Variants in DENND5B observed in about 807,000 individuals in gnomAD.
DENND5B encodes the protein DENN domain containing 5B, also known as DENN domain-containing protein 5B.
Under a neutral mutation model 140.6 loss-of-function variants are expected in DENND5B, and 34 were observed. The observed-to-expected ratio is 0.24, with a 90% CI of 0.18 to 0.32. The LOEUF (loss-of-function observed/expected upper bound fraction) is 0.32. Ranked by LOEUF, DENND5B falls within the 10% of genes least tolerant of loss-of-function variation. DENND5B has a pLI of 1.00. For missense variants in DENND5B, 1,142 were observed against 1,560.2 expected, an observed-to-expected ratio of 0.73 and a Z score of 4.52; for synonymous variants, 551 against 562.1, an observed-to-expected ratio of 0.98 and a Z score of 0.28.
chr12:31,489,156 GTTATACCA>G lies in DENND5B; in HGVS notation c.237+6646_237+6653del, dbSNP rs143347367. Among the ~76,000 whole-genome samples the G allele has an allele frequency of 1.1e-3, 173 of 152,176 alleles. 1 individual carries two copies. The highest frequency in any genetic ancestry group is 4.1e-3 in the African/African-American group (171 of 41,530). On this transcript the variant is annotated intron_variant, in intron 2 of 20. Transcript: ENST00000389082. ...TATAGGACAACGGCTGGAGCAATAC[GTTATACCA>G]TATAACTTAGAAGTATAGTAGGCTA... is the stretch of plus-strand genomic sequence containing the variant.
chr12:31,479,179 G>A (rs754056729), intron 3 of DENND5B, among the ~76,000 whole-genome samples: 2 of 152,138 alleles, frequency 1.3e-5, no homozygotes, highest in Admixed American at 1.3e-4. Context: ...TTCAATGTTC[G>A]CTGAGTTTTG....
intron 10 of DENND5B, among the ~76,000 whole-genome samples, chr12:31,424,023 C>T (rs906099540): frequency 2.6e-5 from 4 of 152,002 alleles, no homozygotes; most frequent in African/African-American, 9.7e-5. Context: ...TCTAGCAGCA[C>T]AGAATGTACT....
In DENND5B at chr12:31,452,170, C is replaced by T. The variant is rs1291143921; in HGVS notation, c.1399G>A (p.Ala467Thr). 7 of 1,613,936 alleles carry T rather than the reference C, an allele frequency of 4.3e-6. No individual in the cohort carries two copies. The highest frequency in any genetic ancestry group is 1.1e-5 in the South Asian group (1 of 91,062). Reference protein sequence around the residue: ...LQALAKRTGVAVEKMDLSASL... With the variant: ...LQALAKRTGVTVEKMDLSASL... Reference sequence around the variant, plus strand: ...GCAGAGAGGTCCATTTTTTCCACAGCCACACCAGTACGCTTGGCCAGAGCC... The same window carrying T: ...GCAGAGAGGTCCATTTTTTCCACAGTCACACCAGTACGCTTGGCCAGAGCC... The change falls in exon 5 of 21, where the codon GCT becomes ACT. Residue 467 changes from alanine (A) to threonine (T), a missense_variant. Ala to Thr is a moderately conservative substitution (Grantham distance 58). This residue lies in a region of DENND5B where 708 missense variants were observed against 905.5 expected (regional missense o/e 0.78). Transcript: ENST00000389082.
At chr12:31,511,674 C>T (rs1479308619) in intron 1 of DENND5B, among the ~76,000 whole-genome samples, 6 of 151,758 alleles carry the variant, frequency 4.0e-5, no homozygotes, top group Admixed American at 1.3e-4. Context: ...ATAAATTAAG[C>T]TCTTCAACAC....
At chr12:31,495,777 T>A (rs779649480) in intron 2 of DENND5B, 33 bp downstream of exon 2, 1 of 1,472,840 alleles carries the variant, frequency 6.8e-7, no homozygotes, top group Non-Finnish European at 9.2e-7. Flanking sequence ...AAAACAAGGC[T>A]AAAGAGTAAA....
Position 31,402,653 on chromosome 12 carries a change from A to G in DENND5B, c.2804-10T>C. ...GACCTATACGGAATCACTGAAAGAA[A>G]AATGCAGAAATTAATTAAAAAGCGG... On this transcript the variant is annotated splice_polypyrimidine_tract_variant and intron_variant, in intron 14 of 20. Transcript: ENST00000389082. 6.3e-7 allele frequency: 1 copy of G among 1,583,370 alleles called. No homozygotes were observed. The highest frequency in any genetic ancestry group is 8.6e-7 in the Non-Finnish European group (1 of 1,164,888).
At chr12:31,391,915 T>C (rs898844267) in intron 19 of DENND5B, among the ~76,000 whole-genome samples, 4 of 151,420 alleles carry the variant, frequency 2.6e-5, no homozygotes, top group African/African-American at 9.7e-5. Flanking sequence ...CTGAGGCGGG[T>C]GGATCACAAG....
chr12:31,409,967 C>A (rs1344718032), intron 13 of DENND5B, among the ~76,000 whole-genome samples: 1 of 152,052 alleles, frequency 6.6e-6, no homozygotes, highest in Non-Finnish European at 1.5e-5. Context: ...ATAAATAGCT[C>A]CTCTTAGACA....
chr12:31,564,744 T>C (rs1592059915), intron 1 of DENND5B, among the ~76,000 whole-genome samples: 1 of 151,100 alleles, frequency 6.6e-6, no homozygotes, highest in African/African-American at 2.4e-5. Context: ...AGGCACCACC[T>C]CCCTTTGCTA....
intron 1 of DENND5B, among the ~76,000 whole-genome samples, chr12:31,577,978 A>G (rs920566847): frequency 2.0e-5 from 3 of 151,980 alleles, no homozygotes; most frequent in African/African-American, 7.2e-5. Context: ...TACAAAAATT[A>G]GCCAGGCGTG....
intron 2 of DENND5B, among the ~76,000 whole-genome samples, chr12:31,491,460 T>A (rs1946524622): frequency 6.6e-6 from 1 of 151,652 alleles, no homozygotes; most frequent in Non-Finnish European, 1.5e-5. Context: ...AATAAATTAA[T>A]TAATTTAATT....
intron 17 of DENND5B, among the ~76,000 whole-genome samples, chr12:31,395,321 C>G (rs1003211935): frequency 1.3e-5 from 2 of 152,212 alleles, no homozygotes; most frequent in Admixed American, 6.5e-5. Flanking sequence ...TGGTTGGGCA[C>G]AGTGGCTCAC....
rs1411171745 is a variant in DENND5B, at chr12:31,566,349, TGTGTGTGTG to T, written c.127+24348_127+24356del. On this transcript the variant is annotated intron_variant, in intron 1 of 20. Coordinates refer to ENST00000389082, the MANE Select transcript of DENND5B (RefSeq NM_144973.4). ...CTCTCTCTTAAAAACTGTGTGTGTG[TGTGTGTGTG>T]TGTGTGTGTGTGTAATTCAAGCAAT... Among the ~76,000 whole-genome samples, 405 of 58,490 alleles carry T rather than the reference TGTGTGTGTG, an allele frequency of 6.9e-3. 1 individual carries two copies. The highest frequency in any genetic ancestry group is 0.018 in the African/African-American group (380 of 21,310). The allele number at this position is 58,490 out of a possible 152,430, so 38.4% of individuals were successfully genotyped here.
intron 1 of DENND5B, among the ~76,000 whole-genome samples, chr12:31,498,784 C>T (rs926447366): frequency 1.3e-5 from 2 of 151,952 alleles, no homozygotes; most frequent in Admixed American, 6.6e-5. Context: ...ACCAGCCTGG[C>T]GAACGTGCTG....
At chr12:31,590,596 C>G (rs1002413845) in intron 1 of DENND5B, 110 bp downstream of exon 1, 2 of 1,233,142 alleles carry the variant, frequency 1.6e-6, no homozygotes, top group Non-Finnish European at 2.1e-6. Flanking sequence ...GGCGGGAGGG[C>G]GCCACCGGGA....
Position 31,590,489 on chromosome 12 carries a change from G to C in DENND5B, c.127+217C>G, listed in dbSNP as rs538895742. The C allele has an allele frequency of 5.9e-6, 3 of 507,012 alleles. No homozygotes were observed. In the South Asian group the frequency reaches 1.0e-4, roughly 17 times the overall value. 31.4% of individuals were successfully genotyped at this position (507,012 alleles called of 1,614,324 possible). On this transcript the variant is annotated intron_variant, in intron 1 of 20. Coordinates refer to ENST00000389082, the MANE Select transcript of DENND5B (RefSeq NM_144973.4). ...CCTGTTATTAATAACCCAGCGCCTG[G>C]AGGCGAAAGCCCCGGTGGGCGCAGC... is the stretch of plus-strand genomic sequence containing the variant.
chr12:31,569,297 G>C (rs1408627169), intron 1 of DENND5B, among the ~76,000 whole-genome samples: 1 of 152,026 alleles, frequency 6.6e-6, no homozygotes, highest in Non-Finnish European at 1.5e-5. Flanking sequence ...TCGAACTCCT[G>C]AGCTCAAGCA....
intron 1 of DENND5B, among the ~76,000 whole-genome samples, chr12:31,522,583 T>G (rs571897468): frequency 2.6e-5 from 4 of 152,176 alleles, no homozygotes; most frequent in Non-Finnish European, 5.9e-5. Context: ...TAGTTGGGAC[T>G]ACAGGCACAC....
intron 11 of DENND5B, among the ~76,000 whole-genome samples, chr12:31,423,098 G>A (rs1943099438): frequency 6.6e-6 from 1 of 151,962 alleles, no homozygotes; most frequent in East Asian, 1.9e-4. Context: ...CTGCCACCAC[G>A]CCCAGGTAAT....
Sources: allele counts gnomAD v4.1 joint callset (sites outside exome capture counted in the v4.1 genomes callset), GRCh38; gene constraint gnomAD v4.1.1; regional missense constraint gnomAD v4.1.1; transcripts MANE v1.5; gene names NCBI Gene and HGNC (gene_info 2026-07-23, HGNC 2026-07-21).